DTD1: variants seen among roughly 807,000 people sequenced by gnomAD.
DTD1 encodes the protein D-tyrosyl-tRNA deacylase 1 homolog.
In DTD1, 13 loss-of-function variants were observed where a neutral mutation model predicts 25.6. That is an observed-to-expected ratio of 0.51 (90% CI 0.33 to 0.81). DTD1 has a LOEUF of 0.81. DTD1 is among the 30% of genes least tolerant of loss of function. DTD1 has a pLI of 0.02. For missense variants in DTD1, 193 were observed against 266.4 expected, an observed-to-expected ratio of 0.72 and a Z score of 1.92; for synonymous variants, 110 against 103.6, an observed-to-expected ratio of 1.06 and a Z score of -0.37.
In DTD1 at chr20:18,596,168, G is replaced by A. The variant is rs370656276; in HGVS notation, c.297G>A (p.Thr99=). 162 of 1,614,042 alleles carry A rather than the reference G, an allele frequency of 1.0e-4. No homozygotes were observed. The highest frequency in any genetic ancestry group is 1.3e-4 in the Non-Finnish European group (149 of 1,180,036). The change falls in exon 3 of 6, where the codon ACG becomes ACA. Residue 99 remains threonine, a synonymous_variant. Coordinates refer to ENST00000377452, the MANE Select transcript of DTD1 (RefSeq NM_080820.6). Reference sequence around the variant, plus strand: ...CTGATTTCCACCTAGCAATGCCCACGGAGCAGGCAGAGGGCTTCTACAACA... The same window carrying A: ...CTGATTTCCACCTAGCAATGCCCACAGAGCAGGCAGAGGGCTTCTACAACA... ...NKPDFHLAMP[T]EQAEGFYNSF...
At chr20:18,657,326 G>A (rs1471490953) in intron 4 of DTD1, among the ~76,000 whole-genome samples, 2 of 151,948 alleles carry the variant, frequency 1.3e-5, no homozygotes, top group Non-Finnish European at 2.9e-5. Context: ...TTGGCAACAT[G>A]CTGAAAAAAA....
intron 4 of DTD1, among the ~76,000 whole-genome samples, chr20:18,693,046 A>G (rs2061053810): frequency 6.6e-6 from 1 of 151,944 alleles, no homozygotes; most frequent in Non-Finnish European, 1.5e-5. Flanking sequence ...GCGTGTCACC[A>G]CGCCTGGCTA....
At chr20:18,689,561 G>T (rs927877630) in intron 4 of DTD1, among the ~76,000 whole-genome samples, 1 of 152,086 alleles carries the variant, frequency 6.6e-6, no homozygotes, top group African/African-American at 2.4e-5. Context: ...TTTGGACAGT[G>T]GCATATGGAG....
At chr20:18,632,579 C>G (rs559475764) in intron 4 of DTD1, 1 of 985,246 alleles carries the variant, frequency 1.0e-6, no homozygotes. Flanking sequence ...ACACGTGTTT[C>G]TATCAATTAA....
chr20:18,628,988 ATTTTTTTTTTT>A (rs10594706), intron 4 of DTD1, among the ~76,000 whole-genome samples: 1 of 71,536 alleles, frequency 1.4e-5, no homozygotes. Context: ...TCAAAGCCTG[ATTTTTTTTTTT>A]TTTTTTTTTT....
chr20:18,683,747 G>A (rs560297522), intron 4 of DTD1, among the ~76,000 whole-genome samples: 1 of 152,332 alleles, frequency 6.6e-6, no homozygotes, highest in South Asian at 2.1e-4. Context: ...TTATGGTTAG[G>A]AACTAGCAGT....
At chr20:18,651,353 G>C (rs767010485) in intron 4 of DTD1, among the ~76,000 whole-genome samples, 4 of 152,268 alleles carry the variant, frequency 2.6e-5, no homozygotes, top group Non-Finnish European at 4.4e-5. Flanking sequence ...GTTTCACTAT[G>C]TTGGGCAGGC....
chr20:18,706,952 C>T (rs1045516395), intron 4 of DTD1, among the ~76,000 whole-genome samples: 10 of 152,332 alleles, frequency 6.6e-5, no homozygotes, highest in Non-Finnish European at 1.3e-4. Context: ...CATTATCCAT[C>T]AGGTGTGCCC....
chr20:18,690,663 C>T (rs897137081), intron 4 of DTD1, among the ~76,000 whole-genome samples: 1 of 151,810 alleles, frequency 6.6e-6, no homozygotes, highest in Non-Finnish European at 1.5e-5. Context: ...AGGTGTGCAG[C>T]CTTATTTGTG....
At chr20:18,686,432 T>C (rs188178961) in intron 4 of DTD1, among the ~76,000 whole-genome samples, 5 of 152,382 alleles carry the variant, frequency 3.3e-5, no homozygotes, top group Admixed American at 1.3e-4. Context: ...TATTGTTTTA[T>C]ATATAGTTAT....
chr20:18,753,885 T>C (rs2061329886), intron 5 of DTD1, among the ~76,000 whole-genome samples: 2 of 152,294 alleles, frequency 1.3e-5, no homozygotes, highest in South Asian at 4.2e-4. Flanking sequence ...TGGGGATCTT[T>C]TGACACTTCA....
intron 5 of DTD1, among the ~76,000 whole-genome samples, chr20:18,748,687 C>T (rs1290121829): frequency 1.3e-5 from 2 of 152,220 alleles, no homozygotes; most frequent in African/African-American, 4.8e-5. Flanking sequence ...GTGAACATTT[C>T]ACATTTTTCC....
chr20:18,754,071 T>G (rs2061330482), intron 5 of DTD1, among the ~76,000 whole-genome samples: 3 of 152,182 alleles, frequency 2.0e-5, no homozygotes, highest in African/African-American at 7.2e-5. Context: ...AAAAAAAATC[T>G]TGGTCCTTTT....
At chr20:18,595,515 C>T (rs1183858255) in intron 2 of DTD1, among the ~76,000 whole-genome samples, 1 of 152,128 alleles carries the variant, frequency 6.6e-6, no homozygotes, top group Non-Finnish European at 1.5e-5. Flanking sequence ...GGTGATCCAC[C>T]CACTGTGGCC....
chr20:18,643,701 G>A (rs2060839345), intron 4 of DTD1: 1 of 152,242 alleles, frequency 6.6e-6, no homozygotes, highest in Admixed American at 6.5e-5. Context: ...TGGTTGTCAT[G>A]TGTCTTTAGC....
chr20:18,673,030 G>A (rs2060956551), intron 4 of DTD1, among the ~76,000 whole-genome samples: 1 of 152,180 alleles, frequency 6.6e-6, no homozygotes, highest in African/African-American at 2.4e-5. Context: ...TACATAACAA[G>A]CGCTCAGTAA....
At chr20:18,750,780 AG>A (rs1444001326) in intron 5 of DTD1, among the ~76,000 whole-genome samples, 1 of 152,224 alleles carries the variant, frequency 6.6e-6, no homozygotes, top group African/African-American at 2.4e-5. Context: ...CCACTGCTAA[AG>A]GCACTAGGGC....
At chr20:18,659,381 C>G (rs560960772) in intron 4 of DTD1, among the ~76,000 whole-genome samples, 1 of 152,276 alleles carries the variant, frequency 6.6e-6, no homozygotes, top group Non-Finnish European at 1.5e-5. Flanking sequence ...TTTCCTCCCT[C>G]CCTTTATGAA....
At chr20:18,624,803 G>C (rs988952222) in intron 3 of DTD1, among the ~76,000 whole-genome samples, 1 of 152,150 alleles carries the variant, frequency 6.6e-6, no homozygotes, top group Non-Finnish European at 1.5e-5. Flanking sequence ...ATGCAAGAAG[G>C]CTACCTTAAT....
Sources: allele counts gnomAD v4.1 joint callset (sites outside exome capture counted in the v4.1 genomes callset), GRCh38; gene constraint gnomAD v4.1.1; transcripts MANE v1.5; gene names NCBI Gene and HGNC (gene_info 2026-07-23, HGNC 2026-07-21).